The following STAG1 variants were observed in gnomAD, a reference collection of about 807,000 sequenced individuals.
The protein encoded by STAG1 is STAG1 cohesin complex component, also known as cohesin subunit SA-1.
In STAG1, 26 loss-of-function variants were observed where a neutral mutation model predicts 170.9. The ratio of observed to expected loss-of-function variants is 0.15; its 90% CI spans 0.11 to 0.21. STAG1 has a LOEUF of 0.21. STAG1 is among the 10% of genes least tolerant of loss of function. The pLI, the probability that STAG1 is intolerant of heterozygous loss-of-function variation, is 1.00. For missense variants in STAG1, 964 were observed against 1,509.5 expected (o/e 0.64, Z 5.99); for synonymous variants, 514 against 497.7 (o/e 1.03, Z -0.44).
At chr3:136,720,816 G>C (rs112952716) in intron 1 of STAG1, among the ~76,000 whole-genome samples, 7 of 151,804 alleles carry the variant, frequency 4.6e-5, no homozygotes, top group African/African-American at 1.4e-4. Context: ...AAAAAGAAAA[G>C]AAATCTGTGG....
chr3:136,472,797 C>G (rs1263163341), intron 11 of STAG1, among the ~76,000 whole-genome samples: 4 of 152,114 alleles, frequency 2.6e-5, no homozygotes, highest in Admixed American at 1.3e-4. Flanking sequence ...AAGCCTTCTT[C>G]CAAAGGTAAT....
In STAG1 at chr3:136,337,033, A is replaced by C. The variant is rs1389783839; in HGVS notation, c.*1221T>G. On this transcript the variant is annotated 3_prime_UTR_variant, in exon 34 of 34. Coordinates refer to ENST00000383202, the MANE Select transcript of STAG1 (RefSeq NM_005862.3). The stretch of plus-strand genomic sequence containing the variant: ...AAGTCTAGGCAGAATGTAACTCTAA[A>C]CCATTGTAGACTGTCCTGAAGATTC... 1 of 152,556 alleles carries C rather than the reference A, an allele frequency of 6.6e-6. No homozygotes were observed. Among genetic ancestry groups the C allele is most frequent in the East Asian group, 1.9e-4 (1 of 5,194 alleles). The allele number at this position is 152,556 out of a possible 1,614,324, so 9.5% of individuals were successfully genotyped here.
intron 1 of STAG1, among the ~76,000 whole-genome samples, chr3:136,677,420 T>C (rs1224694567): frequency 6.6e-6 from 1 of 152,198 alleles, no homozygotes; most frequent in Admixed American, 6.5e-5. Flanking sequence ...GAAATGTCAT[T>C]ATATGACATA....
chr3:136,568,965 G>A (rs1285252135), intron 4 of STAG1, 104 bp from the exon 5 acceptor site: 11 of 746,272 alleles, frequency 1.5e-5, no homozygotes, highest in East Asian at 5.6e-5. Flanking sequence ...CTATCTGAAC[G>A]AGAAAATTAC....
At chr3:136,436,603 C>T (rs769404131) in intron 15 of STAG1, among the ~76,000 whole-genome samples, 1 of 151,894 alleles carries the variant, frequency 6.6e-6, no homozygotes, top group African/African-American at 2.4e-5. Context: ...TTTGATAATT[C>T]GAATAGTTTA....
At chr3:136,484,765 G>T (rs1350380809) in intron 9 of STAG1, among the ~76,000 whole-genome samples, 2 of 151,330 alleles carry the variant, frequency 1.3e-5, no homozygotes, top group African/African-American at 4.9e-5. Context: ...GCCAGGTGTG[G>T]GATATAGTCT....
At chr3:136,614,455 G>A (rs550284905) in intron 3 of STAG1, among the ~76,000 whole-genome samples, 20 of 152,092 alleles carry the variant, frequency 1.3e-4, no homozygotes, top group Non-Finnish European at 2.5e-4. Flanking sequence ...GTATGTATAG[G>A]AAAGCAAACC....
intron 22 of STAG1, among the ~76,000 whole-genome samples, chr3:136,392,983 G>A (rs2087053089): frequency 6.6e-6 from 1 of 151,998 alleles, no homozygotes; most frequent in Admixed American, 6.6e-5. Flanking sequence ...ATAAAAATAT[G>A]TGACCTCTTG....
chr3:136,694,594 T>G (rs1468261768), intron 1 of STAG1, among the ~76,000 whole-genome samples: 2 of 147,966 alleles, frequency 1.4e-5, no homozygotes, highest in Non-Finnish European at 3.0e-5. Context: ...GGCTGCAGAG[T>G]GAGATGCTCC....
At chr3:136,560,896 G>A (rs1936811550) in intron 5 of STAG1, among the ~76,000 whole-genome samples, 1 of 152,098 alleles carries the variant, frequency 6.6e-6, no homozygotes, top group Non-Finnish European at 1.5e-5. Context: ...GTCATTGTTG[G>A]TGATACCACT....
chr3:136,590,222 C>A (rs928511207), intron 4 of STAG1, among the ~76,000 whole-genome samples: 8 of 152,024 alleles, frequency 5.3e-5, no homozygotes, highest in East Asian at 1.9e-4. Context: ...CGGTGGCTCA[C>A]GCCTGTAATC....
chr3:136,636,256 A>G (rs1940553036), intron 1 of STAG1, among the ~76,000 whole-genome samples: 1 of 152,150 alleles, frequency 6.6e-6, no homozygotes, highest in Non-Finnish European at 1.5e-5. Flanking sequence ...CTCAAAAAAA[A>G]AAAAGAAAGA....
At chr3:136,623,299 TTC>T (rs1939947219) in intron 2 of STAG1, 51 bp from the exon 3 acceptor site, 3 of 1,539,768 alleles carry the variant, frequency 1.9e-6, no homozygotes, top group Non-Finnish European at 2.7e-6. Context: ...TATAATGCAT[TTC>T]TGTTTCACTA....
intron 3 of STAG1, among the ~76,000 whole-genome samples, chr3:136,612,913 C>T (rs1386591927): frequency 6.6e-6 from 1 of 152,154 alleles, no homozygotes; most frequent in Non-Finnish European, 1.5e-5. Flanking sequence ...GGTATAACTG[C>T]TGGAACTTTG....
intron 22 of STAG1, among the ~76,000 whole-genome samples, chr3:136,395,738 C>T (rs912577099): frequency 2.6e-5 from 4 of 152,156 alleles, no homozygotes; most frequent in Non-Finnish European, 5.9e-5. Flanking sequence ...ATGCAATAAT[C>T]AATATTTAGC....
chr3:136,674,115 A>AAGGGAGGG (rs1177006448), intron 1 of STAG1, among the ~76,000 whole-genome samples: 1 of 115,674 alleles, frequency 8.6e-6, no homozygotes, highest in African/African-American at 3.2e-5. Context: ...AAAAAAAAAA[A>AAGGGAGGG]AGGGAGGGAG....
chr3:136,396,378 C>T (rs1350613130), intron 22 of STAG1, among the ~76,000 whole-genome samples: 1 of 150,936 alleles, frequency 6.6e-6, no homozygotes, highest in East Asian at 2.0e-4. Context: ...CCACCACGCC[C>T]GGCTAATTTT....
At chr3:136,375,926 G>A (rs377455286) in intron 23 of STAG1, among the ~76,000 whole-genome samples, 24 of 149,640 alleles carry the variant, frequency 1.6e-4, no homozygotes, top group Middle Eastern at 3.4e-3. Context: ...CCGAGATCAC[G>A]CCACTGCACA....
intron 6 of STAG1, among the ~76,000 whole-genome samples, chr3:136,537,777 C>G (rs897989491): frequency 6.6e-6 from 1 of 151,936 alleles, no homozygotes; most frequent in Non-Finnish European, 1.5e-5. Context: ...ATTATAGGTA[C>G]GAGTCACTGC....
Sources: gnomAD v4.1 joint callset for allele counts (sites outside exome capture counted in the v4.1 genomes callset) on GRCh38, gnomAD v4.1.1 for gene constraint, MANE v1.5 for transcripts, NCBI Gene and HGNC (gene_info 2026-07-23, HGNC 2026-07-21) for gene names.